The following ZBTB17 variants were observed in gnomAD, a reference collection of about 807,000 sequenced individuals.
ZBTB17 encodes the protein zinc finger and BTB domain-containing protein 17.
Under a neutral mutation model 85.1 loss-of-function variants are expected in ZBTB17, and 24 were observed. The ratio of observed to expected loss-of-function variants is 0.28; its 90% CI spans 0.20 to 0.40. ZBTB17 has a LOEUF of 0.40. ZBTB17 is among the 10% of genes least tolerant of loss of function. ZBTB17 has a pLI of 1.00. For missense variants in ZBTB17, 743 were observed against 1,105.1 expected, an observed-to-expected ratio of 0.67 and a Z score of 4.65; for synonymous variants, 464 against 460.2, an observed-to-expected ratio of 1.01 and a Z score of -0.11.
chr1:15,961,938 G>A (rs897101356), intron 2 of ZBTB17, among the ~76,000 whole-genome samples: 14 of 152,138 alleles, frequency 9.2e-5, no homozygotes, highest in African/African-American at 2.2e-4. Context: ...GAGAGGTGGC[G>A]CGTGCCTGTA....
chr1:15,942,915 GTCC>G (rs2071423545), intron 13 of ZBTB17, 146 bp downstream of exon 13: 3 of 1,367,244 alleles, frequency 2.2e-6, no homozygotes, highest in East Asian at 2.5e-5. Context: ...GGAAAATGGG[GTCC>G]TCATTTGAAC....
rs2071920789 is a variant in ZBTB17, at chr1:15,953,096, A to C, written c.-2-4599T>G. 1 of 152,140 alleles carries C rather than the reference A, an allele frequency of 6.6e-6. No individual in the cohort carries two copies. Among genetic ancestry groups the C allele is most frequent in the African/African-American group, 2.4e-5 (1 of 41,416 alleles). The allele number at this position is 152,140 out of a possible 1,614,324, so 9.4% of individuals were successfully genotyped here. Reference sequence around the variant, plus strand: ...AGAAGAGTTCTCTTTCTTTACTTGGAGTCCCCTGGATTTATTACTTAAACT... The same window carrying C: ...AGAAGAGTTCTCTTTCTTTACTTGGCGTCCCCTGGATTTATTACTTAAACT... On this transcript the variant is annotated intron_variant, in intron 2 of 15. Transcript: ENST00000375743. This position sits in a 1 kb window ranked among gnomAD's most constrained non-coding sequence, Gnocchi z 5.1.
At chr1:15,957,133 C>T (rs941837836) in intron 2 of ZBTB17, among the ~76,000 whole-genome samples, 118 of 148,804 alleles carry the variant, frequency 7.9e-4, no homozygotes, top group African/African-American at 2.9e-3. Context: ...GAGCCAAGAT[C>T]GTGCCACTGC....
At chr1:15,970,089 C>T (rs969593378) in intron 2 of ZBTB17, 6 of 667,162 alleles carry the variant, frequency 9.0e-6, no homozygotes, top group Admixed American at 4.4e-5. Flanking sequence ...AGAGGTCAAC[C>T]TTATAAATTA....
chr1:15,968,005 C>T (rs1333714308), intron 2 of ZBTB17, among the ~76,000 whole-genome samples: 5 of 152,102 alleles, frequency 3.3e-5, no homozygotes, highest in African/African-American at 4.8e-5. Flanking sequence ...TGGGGTGTCA[C>T]CACTGGAGAA....
chr1:15,943,578 G>T (rs988320551), intron 11 of ZBTB17, 21 bp downstream of exon 11: 7 of 1,612,822 alleles, frequency 4.3e-6, no homozygotes, highest in Non-Finnish European at 5.9e-6. Flanking sequence ...CCAGTCCTGG[G>T]CATGGCCGCT....
At chr1:15,968,695 T>C (rs1340415989) in intron 2 of ZBTB17, among the ~76,000 whole-genome samples, 1 of 152,146 alleles carries the variant, frequency 6.6e-6, no homozygotes, top group Non-Finnish European at 1.5e-5. Flanking sequence ...TTGATGACTT[T>C]AATTAGAAAG....
chr1:15,943,438 G>C lies in ZBTB17; in HGVS notation c.1658C>G (p.Thr553Ser). Reference sequence around the variant, plus strand: ...CTCGCAGACGTAGGGCTTCTCCCCGGTGTGCTGGCGCACGTGGGCGATGAG... The same window carrying C: ...CTCGCAGACGTAGGGCTTCTCCCCGCTGTGCTGGCGCACGTGGGCGATGAG... ...SSLIAHVRQHTGEKPYVCERC... is the reference protein window; with the variant it reads ...SSLIAHVRQHSGEKPYVCERC... Residue 553 changes from threonine (T) to serine (S), a missense_variant, in exon 12 of 16, where the codon ACC becomes AGC. Thr to Ser is a moderately conservative substitution (Grantham distance 58). Transcript: ENST00000375743. The C allele has an allele frequency of 1.2e-6, 2 of 1,609,414 alleles. No individual in the cohort carries two copies. The highest frequency in any genetic ancestry group is 1.7e-6 in the Non-Finnish European group (2 of 1,177,594).
At chr1:15,957,024 T>A (rs2148789357) in intron 2 of ZBTB17, among the ~76,000 whole-genome samples, 1 of 151,454 alleles carries the variant, frequency 6.6e-6, no homozygotes, top group African/African-American at 2.4e-5. Context: ...ACTAAAAATA[T>A]AAAAAATTAG....
At chr1:15,962,054 T>C (rs978692165) in intron 2 of ZBTB17, among the ~76,000 whole-genome samples, 1 of 151,442 alleles carries the variant, frequency 6.6e-6, no homozygotes, top group African/African-American at 2.4e-5. Context: ...AAATCCAAAA[T>C]AATTTAGCCG....
At chr1:15,960,474 T>C (rs971421502) in intron 2 of ZBTB17, among the ~76,000 whole-genome samples, 7 of 152,324 alleles carry the variant, frequency 4.6e-5, no homozygotes, top group African/African-American at 1.7e-4. Flanking sequence ...TCCTATCTTC[T>C]GAAAACGGAT....
At position 15,942,129 on chromosome 1, in the gene ZBTB17, G is replaced by T. The variant is rs772879780; in HGVS notation, c.2252C>A (p.Ala751Glu). The T allele has an allele frequency of 1.9e-6, 3 of 1,613,382 alleles. No homozygotes were observed. Among genetic ancestry groups the T allele is most frequent in the Non-Finnish European group, 2.5e-6 (3 of 1,180,038 alleles). ...TGGCCCATACTGCTGATAGAAGTCC[G>T]CGTCTGTCTGGAACATGACCAGTGC... ...AQALVMFQTD[A>E]DFYQQYGPGG... Residue 751 changes from alanine (A) to glutamate (E), a missense_variant, in exon 16 of 16, where the codon GCG becomes GAG. Coordinates refer to ENST00000375743, the MANE Select transcript of ZBTB17 (RefSeq NM_003443.3).
intron 5 of ZBTB17, 52 bp downstream of exon 5, chr1:15,946,102 G>A: frequency 6.2e-7 from 1 of 1,600,564 alleles, no homozygotes. Flanking sequence ...CCTGTGCCCA[G>A]GCTGCTGGGA....
In ZBTB17 at chr1:15,966,608, G is replaced by A. The variant is rs180840492; in HGVS notation, c.-3+6431C>T. Among the ~76,000 whole-genome samples, 3 of 152,196 alleles carry A rather than the reference G, an allele frequency of 2.0e-5. No individual in the cohort carries two copies. The East Asian group carries it at 5.8e-4, about 29-fold the overall frequency. On this transcript the variant is annotated intron_variant, in intron 2 of 15. Transcript: ENST00000375743. This position sits in a 1 kb window ranked among gnomAD's most constrained non-coding sequence, Gnocchi z 4.1. ...AGCACGTTTGAATCCAAGAGCCTAAGCCCCAGTTTTCTACACGTATCTGTG... is the reference window on the plus strand; with the variant it reads ...AGCACGTTTGAATCCAAGAGCCTAAACCCCAGTTTTCTACACGTATCTGTG...
intron 7 of ZBTB17, 21 bp downstream of exon 7, chr1:15,944,916 G>C (rs1343100341): frequency 6.4e-7 from 1 of 1,563,380 alleles, no homozygotes; most frequent in East Asian, 2.4e-5. Flanking sequence ...GGCTGGGAGG[G>C]CTGGCCATAG....
rs1336395156 is a variant in ZBTB17 at position 15,943,421 on chromosome 1, C to T, written c.1675G>A (p.Val559Ile). The T allele has an allele frequency of 1.2e-6, 2 of 1,606,404 alleles. No individual in the cohort carries two copies. The highest frequency in any genetic ancestry group is 1.7e-6 in the Non-Finnish European group (2 of 1,175,986). ...GACCTCTTGCCGCAGCGCTCGCAGA[C>T]GTAGGGCTTCTCCCCGGTGTGCTGG... ...VRQHTGEKPY[V>I]CERCGKRFVQ... is the part of the protein sequence containing the mutation. Residue 559 changes from valine to isoleucine, a missense_variant, in exon 12 of 16, where the codon GTC (valine) becomes ATC (isoleucine). Around this residue, in one of 4 missense-constraint regions of ZBTB17, gnomAD observed 321 missense variants for 615.7 expected, o/e 0.52. Coordinates refer to ENST00000375743, the MANE Select transcript of ZBTB17 (RefSeq NM_003443.3).
chr1:15,946,916 G>T lies in ZBTB17; in HGVS notation c.394+19C>A, dbSNP rs773400544. 1.3e-6 allele frequency: 2 copies of T among 1,595,846 alleles called. No individual in the cohort carries two copies. The highest frequency in any genetic ancestry group is 2.7e-5 in the African/African-American group (2 of 74,658). The stretch of plus-strand genomic sequence containing the variant: ...AAGGTCTCTGGCCATCTGCTTGGGA[G>T]CAGCTGCCAATAACCTACCTTCTGT... On this transcript the variant is annotated intron_variant, in intron 4 of 15. Coordinates refer to ENST00000375743, the MANE Select transcript of ZBTB17 (RefSeq NM_003443.3).
chr1:15,945,437 G>A (rs2148761564), intron 6 of ZBTB17, among the ~76,000 whole-genome samples: 1 of 152,342 alleles, frequency 6.6e-6, no homozygotes, highest in South Asian at 2.1e-4. Flanking sequence ...GGGTGGCAAG[G>A]CACCCCTGCA....
rs375789924 is a variant in ZBTB17 at position 15,971,569 on chromosome 1, CTA to C, written c.-3+1468_-3+1469del. On this transcript the variant is annotated intron_variant, in intron 2 of 15. Transcript: ENST00000375743. Reference sequence around the variant, plus strand: ...CACACACTATATATATACACACACACTATATATATATACACACACACTATATA... The same window carrying C: ...CACACACTATATATATACACACACACTATATATATACACACACACTATATA... 9.1e-3 allele frequency among the ~76,000 whole-genome samples: 1,239 copies of C among 136,814 alleles called. 26 individuals are homozygous for C. Among genetic ancestry groups the C allele is most frequent in the Non-Finnish European group, 0.016 (986 of 62,084 alleles). 89.8% of individuals were successfully genotyped at this position (136,814 alleles called of 152,430 possible).
Sources: gnomAD v4.1 joint callset for allele counts (sites outside exome capture counted in the v4.1 genomes callset) on GRCh38, gnomAD v4.1.1 for gene constraint, gnomAD v4.1.1 regional missense constraint, Gnocchi (gnomAD v3.1) non-coding constraint, MANE v1.5 for transcripts, NCBI Gene and HGNC (gene_info 2026-07-23, HGNC 2026-07-21) for gene names.